Variants in RTN4RL1 observed in about 807,000 individuals in gnomAD.
RTN4RL1 encodes reticulon 4 receptor like 1.
A neutral mutation model predicts 25.6 loss-of-function variants in RTN4RL1; 7 were observed. That is an observed-to-expected ratio of 0.27 (90% CI 0.16 to 0.51). The LOEUF (loss-of-function observed/expected upper bound fraction) is 0.51, where lower values mean the gene tolerates loss of function less well. Among genes scored for constraint, RTN4RL1 ranks in the 20% least tolerant of loss-of-function variants. The probability of loss-of-function intolerance (pLI) is 0.97; values close to 1 mark genes in which losing one functional copy is unlikely to be tolerated. For synonymous variants in RTN4RL1, 297 were observed against 288.2 expected (o/e 1.03, Z -0.31); for missense variants, 500 against 615.6 (o/e 0.81, Z 1.99).
intron 1 of RTN4RL1, among the ~76,000 whole-genome samples, chr17:2,002,301 T>TG (rs1205912305): frequency 6.7e-6 from 1 of 148,500 alleles, no homozygotes; most frequent in Non-Finnish European, 1.5e-5. Flanking sequence ...TTAATTTTAA[T>TG]TTTTTTTTTG....
At chr17:1,988,362 G>A (rs1475207439) in intron 1 of RTN4RL1, among the ~76,000 whole-genome samples, 10 of 139,192 alleles carry the variant, frequency 7.2e-5, no homozygotes, top group South Asian at 4.5e-4. Context: ...CCAAGATGGC[G>A]TCACTGCATT....
chr17:1,980,041 T>G (rs769035526), intron 1 of RTN4RL1, among the ~76,000 whole-genome samples: 2 of 152,098 alleles, frequency 1.3e-5, no homozygotes, highest in Non-Finnish European at 2.9e-5. Context: ...CCTAATCCAC[T>G]TGGCTCAGAT....
intron 1 of RTN4RL1, among the ~76,000 whole-genome samples, chr17:1,953,588 CAG>C (rs879672113): frequency 3.3e-5 from 5 of 151,806 alleles, no homozygotes; most frequent in Admixed American, 3.3e-4. Flanking sequence ...TTTTTTGAGA[CAG>C]AGTCTCACTC....
rs1463107883 is a variant in RTN4RL1, at chr17:2,010,105, G to A, written c.13+14748C>T. On this transcript the variant is annotated intron_variant, in intron 1 of 1. Coordinates refer to ENST00000331238, the MANE Select transcript of RTN4RL1 (RefSeq NM_178568.4). ...AATCTCCTAAAATAACCGCTCTCTG[G>A]TCACCCTCTGTTCTTCAACTGTTAA... 1.6e-5 allele frequency among the ~76,000 whole-genome samples: 2 copies of A among 127,238 alleles called. 1 individual carries two copies. Among genetic ancestry groups the A allele is most frequent in the Non-Finnish European group, 3.3e-5 (2 of 60,856 alleles). 83.5% of individuals were successfully genotyped at this position (127,238 alleles called of 152,430 possible). A position where few individuals can be genotyped will look rare whatever the true frequency, so the allele number is the denominator to read the frequency against.
chr17:2,019,201 C>A (rs2067167649), intron 1 of RTN4RL1: 1 of 152,226 alleles, frequency 6.6e-6, no homozygotes, highest in African/African-American at 2.4e-5. Context: ...CCGGCCACTG[C>A]ACCCCGAGGA....
At chr17:2,015,419 C>G (rs1023652716) in intron 1 of RTN4RL1, among the ~76,000 whole-genome samples, 1 of 152,142 alleles carries the variant, frequency 6.6e-6, no homozygotes, top group Non-Finnish European at 1.5e-5. Flanking sequence ...AGTCAATGGC[C>G]GGCCACTGCA....
chr17:1,939,537 C>T (rs1318900099), intron 1 of RTN4RL1, among the ~76,000 whole-genome samples: 3 of 152,174 alleles, frequency 2.0e-5, no homozygotes, highest in African/African-American at 7.2e-5. Context: ...CCCTCTCCCA[C>T]CTCACTCCAG....
intron 1 of RTN4RL1, among the ~76,000 whole-genome samples, chr17:1,982,694 C>T (rs1018965004): frequency 3.3e-5 from 5 of 152,214 alleles, no homozygotes; most frequent in African/African-American, 1.2e-4. Context: ...CCCTCGACGC[C>T]GTGCAGGAAG....
intron 1 of RTN4RL1, among the ~76,000 whole-genome samples, chr17:2,004,465 T>C (rs1390973531): frequency 1.3e-5 from 2 of 151,820 alleles, no homozygotes; most frequent in African/African-American, 4.8e-5. Context: ...AGGCGGGGCT[T>C]TCTTTTCCAG....
chr17:1,944,596 A>G lies in RTN4RL1; in HGVS notation c.14-6788T>C, dbSNP rs1915498356. ...CTCAGCCTCCTGAGTAGCTGGGATTACAGGTGCCCACCACCACACCCGGCT... is the reference window on the plus strand; with the variant it reads ...CTCAGCCTCCTGAGTAGCTGGGATTGCAGGTGCCCACCACCACACCCGGCT... On this transcript the variant is annotated intron_variant, in intron 1 of 1. Coordinates refer to ENST00000331238, the MANE Select transcript of RTN4RL1 (RefSeq NM_178568.4). Among the ~76,000 whole-genome samples, 5 of 152,080 alleles carry G rather than the reference A, an allele frequency of 3.3e-5. No individual in the cohort carries two copies. In the South Asian group the frequency reaches 1.0e-3, roughly 31 times the overall value.
intron 1 of RTN4RL1, among the ~76,000 whole-genome samples, chr17:1,981,480 GA>G (rs2066866948): frequency 6.6e-6 from 1 of 152,222 alleles, no homozygotes; most frequent in Non-Finnish European, 1.5e-5. Context: ...AGGGAAAGGG[GA>G]CTGCTGGGCC....
intron 1 of RTN4RL1, among the ~76,000 whole-genome samples, chr17:1,974,832 G>C (rs749357230): frequency 6.6e-6 from 1 of 152,234 alleles, no homozygotes; most frequent in Non-Finnish European, 1.5e-5. Context: ...CCGAGGGCAG[G>C]AGCCCACTGG....
At chr17:1,958,245 T>C (rs1317641324) in intron 1 of RTN4RL1, among the ~76,000 whole-genome samples, 2 of 151,706 alleles carry the variant, frequency 1.3e-5, no homozygotes, top group East Asian at 3.9e-4. Context: ...AATGGTGGAG[T>C]CAAGATTCAA....
chr17:2,021,618 G>A (rs1437063549), intron 1 of RTN4RL1, among the ~76,000 whole-genome samples: 3 of 141,968 alleles, frequency 2.1e-5, no homozygotes, highest in Non-Finnish European at 3.0e-5. Context: ...GCAGTGGTGC[G>A]ATCTTGGCTC....
chr17:2,024,984 G>A lies in RTN4RL1; in HGVS notation c.-119C>T, dbSNP rs566656504. 12 of 1,147,324 alleles carry A rather than the reference G, an allele frequency of 1.0e-5. No individual in the cohort carries two copies. In the South Asian group the frequency reaches 1.5e-4, roughly 15 times the overall value. 71.1% of individuals were successfully genotyped at this position (1,147,324 alleles called of 1,614,324 possible). On this transcript the variant is annotated 5_prime_UTR_variant, in exon 1 of 2. Coordinates refer to ENST00000331238, the MANE Select transcript of RTN4RL1 (RefSeq NM_178568.4). Reference sequence around the variant, plus strand: ...GAGCGCGTCGAGGCGGGGGCAAGCCGGGGATCCGCTCGTGCCCGGTGGCCC... The same window carrying A: ...GAGCGCGTCGAGGCGGGGGCAAGCCAGGGATCCGCTCGTGCCCGGTGGCCC...
In RTN4RL1 at chr17:1,937,121, G is replaced by A. The variant is rs1037263311; in HGVS notation, c.701C>T (p.Ser234Leu). ...GGCCAGGCACTCACCCTGCAGCTCC[G>A]AGAGGCTGTTGTTGAAGAGGAAGAG... ...TTLFLFNNSL[S>L]ELQGECLAPL... The change falls in exon 2 of 2, where the codon TCG becomes TTG. Residue 234 changes from serine to leucine, a missense_variant. By Grantham distance (145) the Ser-to-Leu change is moderately radical. Around this residue, in one of 2 missense-constraint regions of RTN4RL1, gnomAD observed 232 missense variants for 341.1 expected, o/e 0.68. Coordinates refer to ENST00000331238, the MANE Select transcript of RTN4RL1 (RefSeq NM_178568.4). The A allele has an allele frequency of 9.9e-6, 16 of 1,609,908 alleles. No individual in the cohort carries two copies. Among genetic ancestry groups the A allele is most frequent in the Admixed American group, 5.0e-5 (3 of 59,472 alleles).
At chr17:1,937,838 AG>A (rs1448707956) in intron 1 of RTN4RL1, 30 bp from the exon 2 acceptor site, 1 of 1,524,536 alleles carries the variant, frequency 6.6e-7, no homozygotes. Flanking sequence ...CAGCCAGGTC[AG>A]GGGCCGTGCA....
In RTN4RL1 at chr17:1,937,465, C is replaced by A; in HGVS notation, c.357G>T (p.Glu119Asp). 6.2e-7 allele frequency: 1 copy of A among 1,613,966 alleles called. No individual in the cohort carries two copies. The highest frequency in any genetic ancestry group is 8.5e-7 in the Non-Finnish European group (1 of 1,179,886). ...DNRQLRTLAPETFQGLVKLHA... is the reference protein window; with the variant it reads ...DNRQLRTLAPDTFQGLVKLHA... ...GAAGCTTCACCAGGCCCTGGAAGGT[C>A]TCGGGTGCCAGCGTCCGCAGCTGCC... The change falls in exon 2 of 2, where the codon GAG becomes GAT. Residue 119 changes from glutamate to aspartate, a missense_variant. Around this residue, in one of 2 missense-constraint regions of RTN4RL1, gnomAD observed 232 missense variants for 341.1 expected, o/e 0.68. Coordinates refer to ENST00000331238, the MANE Select transcript of RTN4RL1 (RefSeq NM_178568.4).
chr17:2,019,291 T>G (rs923771582), intron 1 of RTN4RL1: 42 of 152,354 alleles, frequency 2.8e-4, no homozygotes, highest in African/African-American at 9.9e-4. Flanking sequence ...CGCCAGCTAT[T>G]TTGCTGCCTC....
Sources: allele counts gnomAD v4.1 joint callset (sites outside exome capture counted in the v4.1 genomes callset), GRCh38; gene constraint gnomAD v4.1.1; regional missense constraint gnomAD v4.1.1; transcripts MANE v1.5; gene names NCBI Gene and HGNC (gene_info 2026-07-23, HGNC 2026-07-21).